Variants in PTPN14 observed in about 807,000 individuals in gnomAD.
PTPN14 encodes protein tyrosine phosphatase non-receptor type 14.
PTPN14 carries 53 observed loss-of-function variants against 126.8 expected under a neutral mutation model. The ratio of observed to expected loss-of-function variants is 0.42; its 90% confidence interval spans 0.34 to 0.53. The LOEUF (loss-of-function observed/expected upper bound fraction) is 0.53, where lower values mean the gene tolerates loss of function less well. PTPN14 is among the 20% of genes least tolerant of loss of function. The pLI, the probability that PTPN14 is intolerant of heterozygous loss-of-function variation, is 0.08. For synonymous variants in PTPN14, 630 were observed against 599.3 expected (o/e 1.05, Z -0.75); for missense variants, 1,257 against 1,552.9 (o/e 0.81, Z 3.20).
Position 214,451,791 on chromosome 1 carries a change from GA to G in PTPN14, c.344+13del, listed in dbSNP as rs774360650. The G allele has an allele frequency of 6.2e-7, 1 of 1,612,918 alleles. No individual in the cohort carries two copies. The highest frequency in any genetic ancestry group is 1.1e-5 in the South Asian group (1 of 90,836). On this transcript the variant is annotated intron_variant, in intron 3 of 18. Transcript: ENST00000366956. ...AACACCCTTATATGGCACACAGGGG[GA>G]AAATGCACCTACCTTGTGGCCTCTT...
Position 214,394,531 on chromosome 1 carries a change from C to T in PTPN14, c.846+368G>A, listed in dbSNP as rs578158334. Among the ~76,000 whole-genome samples the T allele has an allele frequency of 9.2e-5, 14 of 152,302 alleles. 1 individual carries two copies. The South Asian group carries it at 2.9e-3, about 32-fold the overall frequency. On this transcript the variant is annotated intron_variant, in intron 9 of 18. Transcript: ENST00000366956. Reference sequence around the variant, plus strand: ...CAAGCAATTCTCCTGCCTCAGCCTCCCGAGTAGCTGGGACTACAGGTGCCC... The same window carrying T: ...CAAGCAATTCTCCTGCCTCAGCCTCTCGAGTAGCTGGGACTACAGGTGCCC...
chr1:214,368,507 T>A (rs1658138505), intron 17 of PTPN14, among the ~76,000 whole-genome samples: 1 of 152,302 alleles, frequency 6.6e-6, no homozygotes, highest in African/African-American at 2.4e-5. Context: ...GGCCTATTTT[T>A]AAGTTTTATT....
chr1:214,369,185 T>C (rs534039265), intron 17 of PTPN14, among the ~76,000 whole-genome samples: 1 of 152,342 alleles, frequency 6.6e-6, no homozygotes, highest in South Asian at 2.1e-4. Flanking sequence ...GAATAGTTAC[T>C]GATTAAATGA....
intron 9 of PTPN14, among the ~76,000 whole-genome samples, chr1:214,394,351 G>C (rs1658827092): frequency 6.6e-6 from 1 of 152,336 alleles, no homozygotes; most frequent in South Asian, 2.1e-4. Flanking sequence ...AAGGCAGTTG[G>C]AGGGACCAGA....
intron 3 of PTPN14, among the ~76,000 whole-genome samples, chr1:214,439,647 C>A (rs1039041919): frequency 6.6e-6 from 1 of 152,164 alleles, no homozygotes; most frequent in African/African-American, 2.4e-5. Context: ...CAACATGTCC[C>A]GCTATGATTA....
chr1:214,446,016 C>A (rs1660134780), intron 3 of PTPN14, among the ~76,000 whole-genome samples: 1 of 152,112 alleles, frequency 6.6e-6, no homozygotes, highest in Non-Finnish European at 1.5e-5. Context: ...AAAAAGGAAT[C>A]TGAGAAGCAA....
rs118110062 is a variant in PTPN14 at position 214,480,476 on chromosome 1, T to C, written c.-154-15519A>G. ...AGGAGAATATTGATCCCAAAAGGGA[T>C]ACCTCAAAGTCTCAATGTCTTCATG... On this transcript the variant is annotated intron_variant, in intron 1 of 18. Transcript: ENST00000366956. Among the ~76,000 whole-genome samples, 39 of 152,314 alleles carry C rather than the reference T, an allele frequency of 2.6e-4. No individual in the cohort carries two copies. The East Asian group carries it at 7.1e-3, about 28-fold the overall frequency.
At chr1:214,398,736 A>G (rs1191257487) in intron 7 of PTPN14, among the ~76,000 whole-genome samples, 5 of 150,520 alleles carry the variant, frequency 3.3e-5, no homozygotes, top group Admixed American at 1.3e-4. Flanking sequence ...CCCGGCAACA[A>G]TGTACTGTAT....
chr1:214,532,571 T>C (rs1242811434), intron 1 of PTPN14: 7 of 1,069,420 alleles, frequency 6.5e-6, no homozygotes, highest in African/African-American at 1.6e-5. Context: ...GGCCATTACT[T>C]CAAGATCATC....
intron 11 of PTPN14, among the ~76,000 whole-genome samples, chr1:214,389,714 C>T (rs1308773203): frequency 6.6e-6 from 1 of 152,194 alleles, no homozygotes; most frequent in Non-Finnish European, 1.5e-5. Flanking sequence ...AGCTTTAAAA[C>T]ACTTTGCCTC....
intron 3 of PTPN14, among the ~76,000 whole-genome samples, chr1:214,446,168 C>A (rs1228943285): frequency 1.3e-5 from 2 of 152,126 alleles, no homozygotes; most frequent in Non-Finnish European, 2.9e-5. Flanking sequence ...CTCTTTAAAT[C>A]CTATGGTTTC....
At chr1:214,369,378 A>T in intron 17 of PTPN14, 79 bp downstream of exon 17, 7 of 1,375,032 alleles carry the variant, frequency 5.1e-6, no homozygotes, top group Admixed American at 3.6e-5. Flanking sequence ...CTCTTTTTCC[A>T]TTTCATCTCC....
chr1:214,536,355 C>T (rs1002839194), intron 1 of PTPN14, among the ~76,000 whole-genome samples: 4 of 152,236 alleles, frequency 2.6e-5, no homozygotes, highest in African/African-American at 9.6e-5. Context: ...TTGCAGTGAG[C>T]TATAATCACA....
chr1:214,447,903 T>C (rs1660181997), intron 3 of PTPN14, among the ~76,000 whole-genome samples: 1 of 152,224 alleles, frequency 6.6e-6, no homozygotes, highest in African/African-American at 2.4e-5. Context: ...CAAAATCCTG[T>C]GTTGGAAAAC....
intron 1 of PTPN14, among the ~76,000 whole-genome samples, chr1:214,520,059 A>ATATATATATATAT (rs1224376294): frequency 2.4e-5 from 2 of 81,794 alleles, no homozygotes; most frequent in African/African-American, 1.2e-4. Context: ...AAAAAAAAAA[A>ATATATATATATAT]AAAAAAATAT....
At chr1:214,469,827 C>G (rs1233855195) in intron 1 of PTPN14, among the ~76,000 whole-genome samples, 10 of 143,164 alleles carry the variant, frequency 7.0e-5, no homozygotes, top group African/African-American at 1.1e-4. Flanking sequence ...TGGGGAAAGG[C>G]GGGGGTATGT....
intron 13 of PTPN14, among the ~76,000 whole-genome samples, chr1:214,381,946 C>A (rs1658482067): frequency 6.6e-6 from 1 of 152,116 alleles, no homozygotes; most frequent in African/African-American, 2.4e-5. Context: ...GCTCTGTCAT[C>A]CAGGCTGGAG....
At chr1:214,489,162 C>T (rs1661177855) in intron 1 of PTPN14, among the ~76,000 whole-genome samples, 1 of 152,174 alleles carries the variant, frequency 6.6e-6, no homozygotes, top group Admixed American at 6.5e-5. Context: ...TATGATGTGT[C>T]AAGCATGGTG....
rs1299686849 is a variant in PTPN14 at position 214,414,727 on chromosome 1, C to T, written c.345-1G>A. 1 of 1,609,060 alleles carries T rather than the reference C, an allele frequency of 6.2e-7. No homozygotes were observed. Among genetic ancestry groups the T allele is most frequent in the Non-Finnish European group, 8.5e-7 (1 of 1,175,542 alleles). The stretch of plus-strand genomic sequence containing the variant: ...TTTGACTTGCAGGTAATACTGATAT[C>T]TGTTCATGGGAATAGAGGAACAAAC... On this transcript the variant is annotated splice_acceptor_variant, in intron 3 of 18. Transcript: ENST00000366956. LOFTEE classifies it high-confidence loss of function.
Sources: gnomAD v4.1 joint callset for allele counts (sites outside exome capture counted in the v4.1 genomes callset) on GRCh38, gnomAD v4.1.1 for gene constraint, MANE v1.5 for transcripts, NCBI Gene and HGNC (gene_info 2026-07-23, HGNC 2026-07-21) for gene names.